The following SEPTIN2 variants were observed in gnomAD, a reference collection of about 807,000 sequenced individuals.
SEPTIN2 encodes septin-2.
Under a neutral mutation model 46.5 loss-of-function variants are expected in SEPTIN2, and 34 were observed. The ratio of observed to expected loss-of-function variants is 0.73; its 90% confidence interval spans 0.56 to 0.97. SEPTIN2 has a LOEUF of 0.97. Among genes scored for constraint, SEPTIN2 ranks in the 50% least tolerant of loss-of-function variants. The pLI, the probability that SEPTIN2 is intolerant of heterozygous loss-of-function variation, is 0.00. For synonymous variants in SEPTIN2, 175 were observed against 153.4 expected (o/e 1.14, Z -1.04); for missense variants, 347 against 448.4 (o/e 0.77, Z 2.04).
chr2:241,338,561 G>T (rs549083327), intron 7 of SEPTIN2, among the ~76,000 whole-genome samples: 133 of 136,762 alleles, frequency 9.7e-4, no homozygotes, highest in African/African-American at 3.5e-3. Context: ...GCCAACCTCA[G>T]CAACATAGCA....
rs2060867495 is a variant in SEPTIN2 at position 241,352,543 on chromosome 2, T to C, written c.*606T>C. The C allele has an allele frequency of 6.6e-6, 1 of 152,664 alleles. No individual in the cohort carries two copies. The allele number at this position is 152,664 out of a possible 1,614,324, so 9.5% of individuals were successfully genotyped here. ...TATCTGTTAACCAAATAAAACATAA[T>C]AGAATTTCCTAATGAGATATATCTT... On this transcript the variant is annotated 3_prime_UTR_variant, in exon 13 of 13. Coordinates refer to ENST00000391971, the MANE Select transcript of SEPTIN2 (RefSeq NM_004404.5).
chr2:241,318,188 T>C (rs1294513886), intron 1 of SEPTIN2: 1 of 151,754 alleles, frequency 6.6e-6, no homozygotes, highest in African/African-American at 2.4e-5. Flanking sequence ...AAAGTTGAAA[T>C]GTCAGTTTAA....
At chr2:241,325,906 C>G in intron 2 of SEPTIN2, 87 bp from the exon 3 acceptor site, 1 of 1,291,460 alleles carries the variant, frequency 7.7e-7, no homozygotes, top group East Asian at 2.4e-5. Flanking sequence ...AACTGATAAC[C>G]TATGTTTGTT....
At chr2:241,326,168 A>G (rs1158813498) in intron 3 of SEPTIN2, 55 bp downstream of exon 3, 19 of 1,536,198 alleles carry the variant, frequency 1.2e-5, no homozygotes, top group Admixed American at 1.9e-5. Context: ...CCCCTTTCCA[A>G]TCTCTGGAGT....
chr2:241,326,172 C>G (rs2077932649), intron 3 of SEPTIN2, 59 bp downstream of exon 3: 2 of 1,518,452 alleles, frequency 1.3e-6, no homozygotes, highest in African/African-American at 2.8e-5. Context: ...TTTCCAATCT[C>G]TGGAGTATGA....
rs1195731214 is a variant in SEPTIN2, at chr2:241,335,921, G to A, written c.218-54G>A. 3.1e-6 allele frequency: 5 copies of A among 1,613,360 alleles called. No homozygotes were observed. In the Admixed American group the frequency reaches 8.3e-5, roughly 27 times the overall value. On this transcript the variant is annotated intron_variant, in intron 4 of 12. Coordinates refer to ENST00000391971, the MANE Select transcript of SEPTIN2 (RefSeq NM_004404.5). ...GAAGTCACCTGTCGTAAGAACGTGA[G>A]CTTTCCTCTTCACATGCTGCTTATA...
In SEPTIN2 at chr2:241,345,113, C is replaced by CA. The variant is rs113341789; in HGVS notation, c.843-1042dup. On this transcript the variant is annotated intron_variant, in intron 9 of 12. Coordinates refer to ENST00000391971, the MANE Select transcript of SEPTIN2 (RefSeq NM_004404.5). Reference sequence around the variant, plus strand: ...GGGCAACAAGAGCAAGACTTCATCTCAAAAAAAAAAACCAAAAAGAACAGG... The same window carrying CA: ...GGGCAACAAGAGCAAGACTTCATCTCAAAAAAAAAAAACCAAAAAGAACAGG... Among the ~76,000 whole-genome samples the CA allele has an allele frequency of 3.0e-3, 425 of 141,714 alleles. 3 individuals carry two copies. Among genetic ancestry groups the CA allele is most frequent in the African/African-American group, 5.5e-3 (212 of 38,816 alleles). The allele number at this position is 141,714 out of a possible 152,430, so 93.0% of individuals were successfully genotyped here.
chr2:241,316,696 T>A lies in SEPTIN2; in HGVS notation c.-18+714T>A, dbSNP rs537512438. On this transcript the variant is annotated intron_variant, in intron 1 of 12. Coordinates refer to ENST00000391971, the MANE Select transcript of SEPTIN2 (RefSeq NM_004404.5). ...CCTACTGGCCCAGACAAACCTGGCT[T>A]GCTTTTTTACCTTTTCGGTCTAATT... The A allele has an allele frequency of 5.5e-5, 29 of 526,834 alleles. No individual in the cohort carries two copies. The East Asian group carries it at 9.4e-4, about 17-fold the overall frequency. 32.6% of individuals were successfully genotyped at this position (526,834 alleles called of 1,614,324 possible).
At chr2:241,350,244 C>G (rs2060661521) in intron 12 of SEPTIN2, 41 bp downstream of exon 12, 1 of 1,035,974 alleles carries the variant, frequency 9.7e-7, no homozygotes, top group Non-Finnish European at 1.3e-6. Context: ...CAGGCAGTTA[C>G]TAACATTGTG....
intron 1 of SEPTIN2, chr2:241,317,015 T>C (rs550038103): frequency 2.6e-5 from 4 of 153,850 alleles, no homozygotes; most frequent in African/African-American, 9.6e-5. Flanking sequence ...ACTCATTGCC[T>C]CGGTTGGTGT....
At chr2:241,336,258 A>C in intron 5 of SEPTIN2, 160 bp downstream of exon 5, 1 of 784,292 alleles carries the variant, frequency 1.3e-6, no homozygotes, top group Non-Finnish European at 2.0e-6. Flanking sequence ...TTAAATAAGG[A>C]ATTTTATAGA....
chr2:241,327,050 CAAAAAAA>C (rs59492636), intron 3 of SEPTIN2, among the ~76,000 whole-genome samples: 17 of 66,020 alleles, frequency 2.6e-4, no homozygotes, highest in African/African-American at 7.2e-4. Flanking sequence ...AACCTTGTCT[CAAAAAAA>C]AAAAAAAAAA....
intron 7 of SEPTIN2, among the ~76,000 whole-genome samples, chr2:241,339,538 CAT>C (rs1253408658): frequency 6.6e-6 from 1 of 152,122 alleles, no homozygotes; most frequent in Non-Finnish European, 1.5e-5. Flanking sequence ...GAAGCATCCT[CAT>C]ATATATACTG....
chr2:241,349,230 A>C (rs1187946621), intron 11 of SEPTIN2, among the ~76,000 whole-genome samples: 4 of 152,074 alleles, frequency 2.6e-5, no homozygotes, highest in African/African-American at 9.6e-5. Context: ...TTAGCCATGC[A>C]TGTCGGCATG....
upstream of SEPTIN2, chr2:241,315,778 G>C (rs980300643): frequency 1.3e-5 from 2 of 152,416 alleles, no homozygotes; most frequent in African/African-American, 4.8e-5. Context: ...TGCGCACTCG[G>C]AAGCCGGCCG....
At chr2:241,331,986 T>G (rs1227040924) in intron 3 of SEPTIN2, among the ~76,000 whole-genome samples, 1 of 152,234 alleles carries the variant, frequency 6.6e-6, no homozygotes, top group Non-Finnish European at 1.5e-5. Context: ...AAGTTTAGTC[T>G]TTTTACAGTC....
At chr2:241,318,702 C>CT (rs1284874061) in intron 1 of SEPTIN2, among the ~76,000 whole-genome samples, 10,312 of 132,370 alleles carry the variant, frequency 0.078, 782 homozygotes, top group Admixed American at 0.21. Flanking sequence ...TTTGTATTTT[C>CT]TTTTTTTTTT....
intron 3 of SEPTIN2, among the ~76,000 whole-genome samples, chr2:241,331,167 AG>A (rs2078940458): frequency 6.6e-6 from 1 of 152,192 alleles, no homozygotes; most frequent in African/African-American, 2.4e-5. Flanking sequence ...TGACAGAGCG[AG>A]ACTCCGTCTC....
rs1464638818 is a variant in SEPTIN2, at chr2:241,346,304, C to T, written c.926+55C>T. On this transcript the variant is annotated intron_variant, in intron 10 of 12. Coordinates refer to ENST00000391971, the MANE Select transcript of SEPTIN2 (RefSeq NM_004404.5). Reference sequence around the variant, plus strand: ...TGTGTCACCCTGAGCCACAATGTTCCTCCTCCTCTATGTGTTCAGCTCAGC... The same window carrying T: ...TGTGTCACCCTGAGCCACAATGTTCTTCCTCCTCTATGTGTTCAGCTCAGC... 7.9e-6 allele frequency: 11 copies of T among 1,392,334 alleles called. No individual in the cohort carries two copies. The South Asian group carries it at 8.3e-5, about 10-fold the overall frequency. The allele number at this position is 1,392,334 out of a possible 1,614,324, so 86.2% of individuals were successfully genotyped here. A position where few individuals can be genotyped will look rare whatever the true frequency, so the allele number is the denominator to read the frequency against.
Sources: gnomAD v4.1 joint callset for allele counts (sites outside exome capture counted in the v4.1 genomes callset) on GRCh38, gnomAD v4.1.1 for gene constraint, MANE v1.5 for transcripts, NCBI Gene and HGNC (gene_info 2026-07-23, HGNC 2026-07-21) for gene names.